The following CEP83 variants were observed in gnomAD, a reference collection of about 807,000 sequenced individuals.
The protein encoded by CEP83 is centrosomal protein 83.
Under a neutral mutation model 101.9 loss-of-function variants are expected in CEP83, and 70 were observed. The ratio of observed to expected loss-of-function variants is 0.69; its 90% CI spans 0.57 to 0.84. The LOEUF (loss-of-function observed/expected upper bound fraction) is 0.84, where lower values mean the gene tolerates loss of function less well. Ranked by LOEUF, CEP83 falls within the 40% of genes least tolerant of loss-of-function variation. CEP83 has a pLI of 0.00. For synonymous variants in CEP83, 264 were observed against 267.9 expected, an observed-to-expected ratio of 0.99 and a Z score of 0.14; for missense variants, 715 against 787.2, an observed-to-expected ratio of 0.91 and a Z score of 1.10.
chr12:94,319,873 T>A (rs1044926077), intron 14 of CEP83, among the ~76,000 whole-genome samples: 7 of 152,236 alleles, frequency 4.6e-5, no homozygotes, highest in African/African-American at 1.7e-4. Context: ...CAGATCTATC[T>A]GGTCCAATGT....
the CEP83 span, chr12:94,272,131 T>A: frequency 6.6e-6 from 1 of 152,170 alleles, no homozygotes; most frequent in African/African-American, 2.4e-5. Flanking sequence ...AATAGTCTTT[T>A]CTTTCTCATA....
At chr12:94,361,054 G>A (rs1310718221) in intron 11 of CEP83, among the ~76,000 whole-genome samples, 1 of 152,154 alleles carries the variant, frequency 6.6e-6, no homozygotes, top group Non-Finnish European at 1.5e-5. Flanking sequence ...ATATCCAAAT[G>A]CAGAAGAATA....
chr12:94,412,842 C>T (rs986782191), intron 2 of CEP83, among the ~76,000 whole-genome samples: 6 of 151,454 alleles, frequency 4.0e-5, no homozygotes, highest in African/African-American at 1.5e-4. Context: ...GCGCCTGCCA[C>T]CATACCCGGC....
At chr12:94,431,413 C>CACAG (rs1197138549) in intron 2 of CEP83, among the ~76,000 whole-genome samples, 1 of 151,922 alleles carries the variant, frequency 6.6e-6, no homozygotes, top group Non-Finnish European at 1.5e-5. Flanking sequence ...ACTTCAAAAG[C>CACAG]ACAGAAAACA....
At chr12:94,368,248 G>A (rs766620202) in intron 9 of CEP83, 47 bp from the exon 10 acceptor site, 1 of 1,462,454 alleles carries the variant, frequency 6.8e-7, no homozygotes, top group Non-Finnish European at 9.3e-7. Context: ...ATGTTATTAA[G>A]ATGAAAAATC....
intron 11 of CEP83, among the ~76,000 whole-genome samples, chr12:94,358,483 T>C (rs2060586923): frequency 6.6e-6 from 1 of 152,220 alleles, no homozygotes; most frequent in Non-Finnish European, 1.5e-5. Context: ...GGTTAACAGA[T>C]ACCCAATTTG....
intron 11 of CEP83, among the ~76,000 whole-genome samples, chr12:94,343,604 C>G (rs541472142): frequency 2.0e-4 from 30 of 149,820 alleles, no homozygotes; most frequent in African/African-American, 6.4e-4. Flanking sequence ...ATTCTCCTGC[C>G]TCAGCCTCCC....
intron 4 of CEP83, among the ~76,000 whole-genome samples, chr12:94,406,220 C>T (rs2137671097): frequency 6.6e-6 from 1 of 152,014 alleles, no homozygotes; most frequent in South Asian, 2.1e-4. Flanking sequence ...AAATAAAGCT[C>T]AAGAACATGT....
At chr12:94,295,902 T>C in the CEP83 span, among the ~76,000 whole-genome samples, 2 of 152,190 alleles carry the variant, frequency 1.3e-5, no homozygotes, top group Non-Finnish European at 2.9e-5. Flanking sequence ...CACCCTGCAC[T>C]CTTTACAGAG....
chr12:94,316,993 A>C (rs1186379754), intron 14 of CEP83, among the ~76,000 whole-genome samples: 1 of 152,124 alleles, frequency 6.6e-6, no homozygotes, highest in Non-Finnish European at 1.5e-5. Context: ...TTGAGGAATT[A>C]CCACACTGCT....
chr12:94,423,948 T>C, intron 2 of CEP83: 1 of 1,612,388 alleles, frequency 6.2e-7, no homozygotes, highest in African/African-American at 1.3e-5. Flanking sequence ...AGTTGCTGGG[T>C]AAGGGGTCCC....
chr12:94,316,127 G>C (rs1970642770), intron 14 of CEP83, among the ~76,000 whole-genome samples: 1 of 152,112 alleles, frequency 6.6e-6, no homozygotes, highest in South Asian at 2.1e-4. Context: ...TCCAAGTCAT[G>C]AACATGGTAC....
At chr12:94,445,197 G>A (rs2066707581) in intron 1 of CEP83, among the ~76,000 whole-genome samples, 1 of 151,992 alleles carries the variant, frequency 6.6e-6, no homozygotes, top group African/African-American at 2.4e-5. Context: ...ATTGATTTCT[G>A]ACAAAAATGC....
At chr12:94,323,396 G>C (rs2058833222) in intron 14 of CEP83, among the ~76,000 whole-genome samples, 2 of 152,114 alleles carry the variant, frequency 1.3e-5, no homozygotes, top group African/African-American at 4.8e-5. Context: ...GGGTTGCAAA[G>C]ATCCAAGGGA....
At position 94,419,323 on chromosome 12, in the gene CEP83, T is replaced by C. The variant is rs147536057; in HGVS notation, c.-101-6732A>G. On this transcript the variant is annotated intron_variant, in intron 2 of 16. Transcript: ENST00000397809. The stretch of plus-strand genomic sequence containing the variant: ...GGTAAAAAGATGTGCAAACTATTTA[T>C]TATAGGAAAACTGTGGCTAGCTACT... Among the ~76,000 whole-genome samples, 542 of 152,178 alleles carry C rather than the reference T, an allele frequency of 3.6e-3. 3 individuals carry two copies. Among genetic ancestry groups the C allele is most frequent in the African/African-American group, 0.012 (510 of 41,550 alleles).
the CEP83 span, chr12:94,279,880 G>T: frequency 1.5e-6 from 1 of 675,096 alleles, no homozygotes; most frequent in African/African-American, 1.8e-5. Context: ...GTTTGTTGTT[G>T]TTGTCTTTAA....
the CEP83 span, among the ~76,000 whole-genome samples, chr12:94,289,244 T>C: frequency 1.3e-5 from 2 of 152,334 alleles, no homozygotes; most frequent in East Asian, 1.9e-4. Flanking sequence ...TATGGGTCTT[T>C]TTCTCCCTGA....
chr12:94,267,340 C>T, the CEP83 span, among the ~76,000 whole-genome samples: 1 of 152,140 alleles, frequency 6.6e-6, no homozygotes. Flanking sequence ...GTGTTTTCTC[C>T]CTTTCATTTC....
At chr12:94,287,270 G>A in the CEP83 span, among the ~76,000 whole-genome samples, 15 of 152,282 alleles carry the variant, frequency 9.9e-5, no homozygotes, top group Non-Finnish European at 1.6e-4. Context: ...CTCCCGGTGC[G>A]CTTCCTTAAC....
Sources: allele counts gnomAD v4.1 joint callset (sites outside exome capture counted in the v4.1 genomes callset), GRCh38; gene constraint gnomAD v4.1.1; transcripts MANE v1.5; gene names NCBI Gene and HGNC (gene_info 2026-07-23, HGNC 2026-07-21).